Variants in ACSBG2 observed in about 807,000 individuals in gnomAD.
The protein encoded by ACSBG2 is long-chain-fatty-acid--CoA ligase ACSBG2.
A neutral mutation model predicts 74.7 loss-of-function variants in ACSBG2; 62 were observed. The ratio of observed to expected loss-of-function variants is 0.83; its 90% CI spans 0.68 to 1.03. The LOEUF (loss-of-function observed/expected upper bound fraction) is 1.03. Ranked by LOEUF, ACSBG2 falls within the 50% of genes least tolerant of loss-of-function variation. The pLI, the probability that ACSBG2 is intolerant of heterozygous loss-of-function variation, is 0.00. For synonymous variants in ACSBG2, 309 were observed against 294.1 expected (o/e 1.05, Z -0.52); for missense variants, 730 against 817.6 (o/e 0.89, Z 1.31).
Position 6,190,850 on chromosome 19 carries a change from C to CACAT in ACSBG2, c.*35+160_*35+161insATAC, listed in dbSNP as rs1568262426. 100 of 554,104 alleles carry CACAT rather than the reference C, an allele frequency of 1.8e-4. No individual in the cohort carries two copies. The Admixed American group carries it at 2.6e-3, about 14-fold the overall frequency. 34.3% of individuals were successfully genotyped at this position (554,104 alleles called of 1,614,324 possible). On this transcript the variant is annotated intron_variant, in intron 14 of 14. Coordinates refer to ENST00000588485, the MANE Select transcript of ACSBG2 (RefSeq NM_030924.5). ...ACACACACACACACACACACACACA[C>CACAT]ACTCTTAGTTGCAGTGGATTCTGAG...
Position 6,156,516 on chromosome 19 carries a change from G to T in ACSBG2, c.472G>T (p.Val158Phe). The change falls in exon 5 of 15, where the codon GTT (valine) becomes TTT (phenylalanine). Residue 158 changes from valine (V) to phenylalanine (F), a missense_variant. By Grantham distance (50) the Val-to-Phe change is conservative. Transcript: ENST00000588485. ...ITHAKVNILL[V>F]ENDQQLQKIL... ...TCATGCCAAAGTGAACATCTTGCTG[G>T]TTGAGAATGATCAACAGTTACAGAA... is the stretch of plus-strand genomic sequence containing the variant. 6.3e-7 allele frequency: 1 copy of T among 1,592,356 alleles called. No individual in the cohort carries two copies. Among genetic ancestry groups the T allele is most frequent in the Non-Finnish European group, 8.6e-7 (1 of 1,169,246 alleles).
At position 6,156,504 on chromosome 19, in the gene ACSBG2, A is replaced by G. The variant is rs763370307; in HGVS notation, c.460A>G (p.Asn154Asp). Reference sequence around the variant, plus strand: ...ATATGTCATCACTCATGCCAAAGTGAACATCTTGCTGGTTGAGAATGATCA... The same window carrying G: ...ATATGTCATCACTCATGCCAAAGTGGACATCTTGCTGGTTGAGAATGATCA... ...CQYVITHAKVNILLVENDQQL... is the reference protein window; with the variant it reads ...CQYVITHAKVDILLVENDQQL... Residue 154 changes from asparagine to aspartate, a missense_variant, in exon 5 of 15, where the codon AAC (asparagine) becomes GAC (aspartate). Coordinates refer to ENST00000588485, the MANE Select transcript of ACSBG2 (RefSeq NM_030924.5). 3.1e-6 allele frequency: 5 copies of G among 1,596,516 alleles called. No individual in the cohort carries two copies. Among genetic ancestry groups the G allele is most frequent in the Non-Finnish European group, 1.7e-6 (2 of 1,171,436 alleles).
At chr19:6,187,064 G>A (rs2090429054) in intron 11 of ACSBG2, among the ~76,000 whole-genome samples, 1 of 150,584 alleles carries the variant, frequency 6.6e-6, no homozygotes. Context: ...GAGTGCGGTG[G>A]CATGATCTCA....
At chr19:6,183,338 G>T in intron 10 of ACSBG2, 66 bp downstream of exon 10, 1 of 1,379,258 alleles carries the variant, frequency 7.3e-7, no homozygotes, top group Non-Finnish European at 1.0e-6. Flanking sequence ...GAAGGTGGGT[G>T]GATAGATGGG....
chr19:6,164,287 G>A (rs983935758), intron 6 of ACSBG2, among the ~76,000 whole-genome samples: 6 of 152,184 alleles, frequency 3.9e-5, no homozygotes, highest in Non-Finnish European at 7.4e-5. Flanking sequence ...GGTTCCCCCA[G>A]AGGGCTTGTG....
intron 4 of ACSBG2, among the ~76,000 whole-genome samples, chr19:6,154,817 T>C (rs937486313): frequency 1.3e-5 from 2 of 152,088 alleles, no homozygotes; most frequent in Non-Finnish European, 2.9e-5. Context: ...CAGCCCAGAA[T>C]AAATTTTAAT....
At chr19:6,167,263 C>T (rs1387264974) in intron 7 of ACSBG2, among the ~76,000 whole-genome samples, 1 of 152,196 alleles carries the variant, frequency 6.6e-6, no homozygotes, top group Non-Finnish European at 1.5e-5. Flanking sequence ...TGTAAGTAAC[C>T]ATGTAAGCTG....
At chr19:6,154,046 A>G (rs1225247855) in intron 4 of ACSBG2, among the ~76,000 whole-genome samples, 2 of 152,032 alleles carry the variant, frequency 1.3e-5, no homozygotes, top group Non-Finnish European at 2.9e-5. Flanking sequence ...CTAATATGTT[A>G]TATTCTATTT....
At chr19:6,163,744 G>A (rs1261617761) in intron 6 of ACSBG2, among the ~76,000 whole-genome samples, 3 of 139,182 alleles carry the variant, frequency 2.2e-5, no homozygotes, top group Admixed American at 7.8e-5. Flanking sequence ...GACAGAGCAA[G>A]ACTCTGTCTC....
chr19:6,167,907 C>T lies in ACSBG2; in HGVS notation c.738+1892C>T, dbSNP rs755820616. Among the ~76,000 whole-genome samples the T allele has an allele frequency of 6.4e-4, 98 of 152,110 alleles. 1 individual carries two copies. The highest frequency in any genetic ancestry group is 1.2e-3 in the Non-Finnish European group (82 of 68,034). On this transcript the variant is annotated intron_variant, in intron 7 of 14. Coordinates refer to ENST00000588485, the MANE Select transcript of ACSBG2 (RefSeq NM_030924.5). ...TTATTTTTGGCCCAGTCTCCATCAT[C>T]GCTCCCCTGGACCTGTGTGGTTGCT...
At chr19:6,160,131 C>A (rs187210146) in intron 5 of ACSBG2, among the ~76,000 whole-genome samples, 1 of 152,270 alleles carries the variant, frequency 6.6e-6, no homozygotes, top group Admixed American at 6.5e-5. Context: ...TGGCTCATGC[C>A]TGTAATCCCA....
chr19:6,153,521 G>A (rs2089305400), intron 4 of ACSBG2, among the ~76,000 whole-genome samples: 2 of 151,978 alleles, frequency 1.3e-5, no homozygotes, highest in African/African-American at 4.8e-5. Flanking sequence ...AACGACAGCA[G>A]CAGCAGCAGC....
At chr19:6,179,729 T>C (rs561003385) in intron 8 of ACSBG2, among the ~76,000 whole-genome samples, 2 of 152,216 alleles carry the variant, frequency 1.3e-5, no homozygotes, top group Non-Finnish European at 2.9e-5. Context: ...GATTCTCATG[T>C]CTCAGTCTCC....
intron 6 of ACSBG2, among the ~76,000 whole-genome samples, chr19:6,165,339 C>T (rs2089759888): frequency 6.6e-6 from 1 of 152,188 alleles, no homozygotes; most frequent in African/African-American, 2.4e-5. Context: ...TATGATTGGA[C>T]CACTTGAGGT....
intron 7 of ACSBG2, among the ~76,000 whole-genome samples, chr19:6,167,714 G>A (rs906801798): frequency 1.3e-5 from 2 of 152,106 alleles, no homozygotes; most frequent in Non-Finnish European, 2.9e-5. Flanking sequence ...AGGTCTATAT[G>A]TAAATTAAAA....
At chr19:6,149,317 C>A (rs1333332099) in intron 3 of ACSBG2, among the ~76,000 whole-genome samples, 3 of 152,036 alleles carry the variant, frequency 2.0e-5, no homozygotes, top group Non-Finnish European at 4.4e-5. Context: ...CAAATGGTTC[C>A]TTTTCCCCCA....
At chr19:6,150,108 A>G (rs1174691819) in intron 3 of ACSBG2, among the ~76,000 whole-genome samples, 2 of 151,336 alleles carry the variant, frequency 1.3e-5, no homozygotes, top group East Asian at 3.9e-4. Context: ...AATAATAATA[A>G]AATAAAATAA....
rs541782947 is a variant in ACSBG2, at chr19:6,173,314, G to A, written c.739-3915G>A. Among the ~76,000 whole-genome samples the A allele has an allele frequency of 3.9e-5, 6 of 152,278 alleles. No homozygotes were observed. The South Asian group carries it at 1.2e-3, about 32-fold the overall frequency. ...GCAGAGAATCCCCAGGCAGGGCAGT[G>A]GCACCACAGGTGCACAACCAGTGTG... On this transcript the variant is annotated intron_variant, in intron 7 of 14. Coordinates refer to ENST00000588485, the MANE Select transcript of ACSBG2 (RefSeq NM_030924.5).
intron 13 of ACSBG2, chr19:6,190,320 C>T (rs1411435572): frequency 2.4e-6 from 1 of 413,380 alleles, no homozygotes; most frequent in Non-Finnish European, 4.5e-6. Flanking sequence ...TATCCCTCCT[C>T]CATTGGGTGC....
Sources: gnomAD v4.1 joint callset for allele counts (sites outside exome capture counted in the v4.1 genomes callset) on GRCh38, gnomAD v4.1.1 for gene constraint, MANE v1.5 for transcripts, NCBI Gene and HGNC (gene_info 2026-07-23, HGNC 2026-07-21) for gene names.